The following UBP1 variants were observed in gnomAD, a reference collection of about 807,000 sequenced individuals.
UBP1 encodes upstream binding protein 1.
UBP1 carries 22 observed loss-of-function variants against 76.1 expected under a neutral mutation model. That is an observed-to-expected ratio of 0.29 (90% CI 0.21 to 0.41). The LOEUF (loss-of-function observed/expected upper bound fraction) is 0.41. Among genes scored for constraint, UBP1 ranks in the 10% least tolerant of loss-of-function variants. The probability of loss-of-function intolerance (pLI) is 1.00; values close to 1 mark genes in which losing one functional copy is unlikely to be tolerated. For missense variants in UBP1, 436 were observed against 668.1 expected (o/e 0.65, Z 3.83); for synonymous variants, 224 against 237.1 (o/e 0.94, Z 0.51).
Position 33,392,511 on chromosome 3 carries a change from A to G in UBP1, c.1585+52T>C, listed in dbSNP as rs552836756. 205 of 1,512,520 alleles carry G rather than the reference A, an allele frequency of 1.4e-4. 3 individuals carry two copies. In the South Asian group the frequency reaches 2.4e-3, roughly 17 times the overall value. The allele number at this position is 1,512,520 out of a possible 1,614,324, so 93.7% of individuals were successfully genotyped here. The stretch of plus-strand genomic sequence containing the variant: ...CACGAGAGGCACTAATTAGAGGCAC[A>G]CACCATCTCTCATGATTCCAGCATT... On this transcript the variant is annotated intron_variant, in intron 15 of 15. Transcript: ENST00000283629.
At chr3:33,407,414 C>G (rs970154692) in intron 8 of UBP1, among the ~76,000 whole-genome samples, 1 of 152,058 alleles carries the variant, frequency 6.6e-6, no homozygotes, top group Admixed American at 6.5e-5. Context: ...GAATCCCCCC[C>G]AAAGAAGTTT....
chr3:33,425,256 G>A (rs1244501251), intron 2 of UBP1, among the ~76,000 whole-genome samples: 1 of 152,128 alleles, frequency 6.6e-6, no homozygotes, highest in Non-Finnish European at 1.5e-5. Context: ...CAGGTTCCTT[G>A]CTAGCTGGAC....
At chr3:33,440,524 A>T (rs982412046), upstream of UBP1, 2 of 151,536 alleles carry the variant, frequency 1.3e-5, no homozygotes, top group Non-Finnish European at 1.5e-5. Context: ...CTGTCCAGAG[A>T]GTGCAATGCG....
chr3:33,439,776 C>A lies in UBP1; in HGVS notation c.73G>T (p.Gly25Cys). 1 of 1,612,920 alleles carries A rather than the reference C, an allele frequency of 6.2e-7. No individual in the cohort carries two copies. The highest frequency in any genetic ancestry group is 8.5e-7 in the Non-Finnish European group (1 of 1,179,662). The change falls in exon 1 of 16, where the codon GGC (glycine) becomes TGC (cysteine). Residue 25 changes from glycine to cysteine, a missense_variant. By Grantham distance (159) the Gly-to-Cys change is radical (BLOSUM62 -3). Transcript: ENST00000283629. The part of the protein sequence containing the change: ...LVHDFDASLS[G>C]IGQELGAGAY... ...CCGGCGCCCAGTTCCTGCCCGATGC[C>A]CGAGAGGCTGGCGTCGAAGTCGTGC...
chr3:33,425,394 CT>C (rs1214043037), intron 2 of UBP1, among the ~76,000 whole-genome samples, 195 bp downstream of exon 2: 2 of 152,218 alleles, frequency 1.3e-5, no homozygotes, highest in African/African-American at 4.8e-5. Context: ...CTCAGACCCT[CT>C]TTAATGCAAA....
chr3:33,401,011 G>A lies in UBP1; in HGVS notation c.1037C>T (p.Ser346Phe). 1 of 1,591,510 alleles carries A rather than the reference G, an allele frequency of 6.3e-7. No individual in the cohort carries two copies. Among genetic ancestry groups the A allele is most frequent in the Non-Finnish European group, 8.5e-7 (1 of 1,171,838 alleles). The change falls in exon 10 of 16, where the codon TCT (serine) becomes TTT (phenylalanine). Residue 346 changes from serine (S) to phenylalanine (F), a missense_variant. By Grantham distance (155) the Ser-to-Phe change is radical. Around this residue, in one of 3 missense-constraint regions of UBP1, gnomAD observed 210 missense variants for 272.8 expected, o/e 0.77. Transcript: ENST00000283629. ...QSTCSVPDSN[S>F]SSPNHQGDGA... ...ATCTCCCTGATGATTTGGGGAAGAA[G>A]AATTGCTGGGGAGAAAGGAGAAAGA... is the stretch of plus-strand genomic sequence containing the variant.
intron 5 of UBP1, 134 bp from the exon 6 acceptor site, chr3:33,409,735 C>A: frequency 8.9e-7 from 1 of 1,119,612 alleles, no homozygotes; most frequent in Non-Finnish European, 1.3e-6. Flanking sequence ...ACATATTAGC[C>A]AAATTATCTA....
At chr3:33,421,620 C>T (rs991309331) in intron 2 of UBP1, among the ~76,000 whole-genome samples, 1 of 152,200 alleles carries the variant, frequency 6.6e-6, no homozygotes, top group African/African-American at 2.4e-5. Context: ...TCAAAAAGAA[C>T]TCAAAAAATG....
intron 8 of UBP1, among the ~76,000 whole-genome samples, chr3:33,408,321 A>ATT (rs1310824309): frequency 2.0e-5 from 3 of 152,166 alleles, no homozygotes; most frequent in Non-Finnish European, 4.4e-5. Flanking sequence ...AATAATAGCT[A>ATT]ATTTACTAAA....
intron 11 of UBP1, chr3:33,397,855 A>C (rs1339569361): frequency 6.6e-6 from 1 of 152,110 alleles, no homozygotes; most frequent in Non-Finnish European, 1.5e-5. Flanking sequence ...TTCTATCTGA[A>C]CACTCCCTTC....
rs762740457 is a variant in UBP1 at position 33,408,587 on chromosome 3, C to T, written c.927+103G>A. The T allele has an allele frequency of 4.9e-4, 400 of 811,804 alleles. 4 individuals are homozygous for T. Among genetic ancestry groups the T allele is most frequent in the Middle Eastern group, 2.4e-4 (1 of 4,248 alleles). The allele number at this position is 811,804 out of a possible 1,614,324, so 50.3% of individuals were successfully genotyped here. A position where few individuals can be genotyped will look rare whatever the true frequency, so the allele number is the denominator to read the frequency against. ...AAAGCAAATTAAATCAAGACATGGA[C>T]ATCAAAAACAATTTTGGCTTTACTT... On this transcript the variant is annotated intron_variant, in intron 8 of 15. Coordinates refer to ENST00000283629, the MANE Select transcript of UBP1 (RefSeq NM_014517.5).
intron 9 of UBP1, among the ~76,000 whole-genome samples, chr3:33,401,422 T>C (rs1325282895): frequency 1.3e-5 from 2 of 152,150 alleles, no homozygotes; most frequent in Non-Finnish European, 2.9e-5. Context: ...CAAGAAATAG[T>C]ACAATGACCC....
In UBP1 at chr3:33,388,675, A is replaced by AAAAC. The variant is rs1458320232; in HGVS notation, c.*1652_*1655dup. ...CTTCTTTCCCCAGTGACTGGTACAG[A>AAAAC]AAACATGTGGTCACACGAAAGCAAA... On this transcript the variant is annotated 3_prime_UTR_variant, in exon 16 of 16. Coordinates refer to ENST00000283629, the MANE Select transcript of UBP1 (RefSeq NM_014517.5). The AAAAC allele has an allele frequency of 6.6e-6, 1 of 152,240 alleles. No homozygotes were observed. The highest frequency in any genetic ancestry group is 6.5e-5 in the Admixed American group (1 of 15,280). The allele number at this position is 152,240 out of a possible 1,614,324, so 9.4% of individuals were successfully genotyped here. A position where few individuals can be genotyped will look rare whatever the true frequency, so the allele number is the denominator to read the frequency against.
At chr3:33,434,391 C>T (rs957869301) in intron 1 of UBP1, among the ~76,000 whole-genome samples, 2 of 150,548 alleles carry the variant, frequency 1.3e-5, no homozygotes, top group South Asian at 2.1e-4. Context: ...CTCCGCCTCC[C>T]GGGCACAGGC....
At chr3:33,393,033 G>A (rs1036205490) in intron 14 of UBP1, 2 of 364,884 alleles carry the variant, frequency 5.5e-6, no homozygotes, top group African/African-American at 4.2e-5. Context: ...TCATAAAAAG[G>A]GCCAAAGCCT....
chr3:33,393,808 A>C (rs2043861555), intron 13 of UBP1, among the ~76,000 whole-genome samples: 2 of 152,204 alleles, frequency 1.3e-5, no homozygotes, highest in Admixed American at 1.3e-4. Context: ...GCAAATGGAC[A>C]TGGGGGATCT....
intron 1 of UBP1, among the ~76,000 whole-genome samples, chr3:33,427,732 T>C (rs2045042972): frequency 6.6e-6 from 1 of 152,184 alleles, no homozygotes; most frequent in Non-Finnish European, 1.5e-5. Flanking sequence ...CTCCCTCTCT[T>C]ATTTATACCC....
chr3:33,415,345 T>C (rs1384081312), intron 3 of UBP1, among the ~76,000 whole-genome samples: 5 of 152,222 alleles, frequency 3.3e-5, no homozygotes, highest in African/African-American at 1.2e-4. Flanking sequence ...TGTTATATTT[T>C]CCTCAGAACA....
At chr3:33,434,682 C>CTTTTTTTT (rs10709462) in intron 1 of UBP1, among the ~76,000 whole-genome samples, 2 of 87,724 alleles carry the variant, frequency 2.3e-5, no homozygotes, top group African/African-American at 4.3e-5. Flanking sequence ...AATGGTTTTA[C>CTTTTTTTT]TTTTTTTTTT....
Sources: allele counts gnomAD v4.1 joint callset (sites outside exome capture counted in the v4.1 genomes callset), GRCh38; gene constraint gnomAD v4.1.1; regional missense constraint gnomAD v4.1.1; transcripts MANE v1.5; gene names NCBI Gene and HGNC (gene_info 2026-07-23, HGNC 2026-07-21).